LIMS1: variants seen among roughly 807,000 people sequenced by gnomAD.
The protein encoded by LIMS1 is LIM and senescent cell antigen-like-containing domain protein 1.
Under a neutral mutation model 44.1 loss-of-function variants are expected in LIMS1, and 18 were observed. That is an observed-to-expected ratio of 0.41 (90% CI 0.28 to 0.61). The LOEUF is 0.61. LIMS1 is among the 20% of genes least tolerant of loss of function. The pLI, the probability that LIMS1 is intolerant of heterozygous loss-of-function variation, is 0.32. For synonymous variants in LIMS1, 93 were observed against 149.1 expected (o/e 0.62, Z 2.74); for missense variants, 201 against 422.0 (o/e 0.48, Z 4.59).
chr2:108,539,245 G>C (rs564520469), intron 1 of LIMS1, among the ~76,000 whole-genome samples: 11 of 152,074 alleles, frequency 7.2e-5, no homozygotes, highest in African/African-American at 2.7e-4. Flanking sequence ...CACTATGCCC[G>C]GCTAATATTT....
At chr2:108,679,158 T>C (rs1444221359) in intron 8 of LIMS1, among the ~76,000 whole-genome samples, 1 of 151,836 alleles carries the variant, frequency 6.6e-6, no homozygotes. Flanking sequence ...TACTAGGCAT[T>C]ATAATTAACC....
chr2:108,591,035 G>A (rs1377586398), intron 1 of LIMS1, among the ~76,000 whole-genome samples: 1 of 152,192 alleles, frequency 6.6e-6, no homozygotes, highest in Non-Finnish European at 1.5e-5. Flanking sequence ...TGTATGTGGA[G>A]TATTGGTCTT....
intron 2 of LIMS1, among the ~76,000 whole-genome samples, chr2:108,666,794 A>C (rs913898888): frequency 6.6e-6 from 1 of 151,856 alleles, no homozygotes; most frequent in Non-Finnish European, 1.5e-5. Context: ...TTTCTGAAAA[A>C]AAAAATAATA....
chr2:108,613,257 T>G (rs1235830177), intron 1 of LIMS1, among the ~76,000 whole-genome samples: 1 of 152,238 alleles, frequency 6.6e-6, no homozygotes, highest in African/African-American at 2.4e-5. Context: ...CATTTTTATG[T>G]CCTAGCTTTT....
chr2:108,672,743 T>A, intron 4 of LIMS1, 137 bp from the exon 5 acceptor site: 1 of 311,520 alleles, frequency 3.2e-6, no homozygotes, highest in South Asian at 2.5e-5. Flanking sequence ...GTGGCTTGAT[T>A]CTGCCCCGTG....
chr2:108,638,753 C>G lies in LIMS1; in HGVS notation c.33-20852C>G, dbSNP rs1220119934. 3.3e-5 allele frequency among the ~76,000 whole-genome samples: 5 copies of G among 150,432 alleles called. No individual in the cohort carries two copies. The East Asian group carries it at 1.0e-3, about 30-fold the overall frequency. On this transcript the variant is annotated intron_variant, in intron 1 of 9. Coordinates refer to ENST00000544547, the Ensembl canonical transcript of LIMS1. ...AGAGTGAGACTCTGTCTCAAGAAAACTAAGCACAGGCTGGGCACGGTGGCT... is the reference window on the plus strand; with the variant it reads ...AGAGTGAGACTCTGTCTCAAGAAAAGTAAGCACAGGCTGGGCACGGTGGCT...
chr2:108,535,921 T>G (rs114971782), intron 1 of LIMS1, among the ~76,000 whole-genome samples: 3,936 of 152,222 alleles, frequency 0.026, 127 homozygotes, highest in South Asian at 0.14. Context: ...ATTACAGAAG[T>G]GCACGCCTGC....
At chr2:108,562,913 A>C (rs1161403285) in intron 1 of LIMS1, among the ~76,000 whole-genome samples, 3 of 152,190 alleles carry the variant, frequency 2.0e-5, no homozygotes, top group Non-Finnish European at 4.4e-5. Flanking sequence ...TCTTGTTAGG[A>C]GATAATGTAC....
At position 108,675,787 on chromosome 2, in the gene LIMS1, G is replaced by A. The variant is rs186109358; in HGVS notation, c.531-91G>A. On this transcript the variant is annotated intron_variant, in intron 5 of 9. Coordinates refer to ENST00000544547, the Ensembl canonical transcript of LIMS1. ...AATTTGCAGGGATTGTCATAGTAAT[G>A]TCTTTAAAAACCTTCTAAAAAGTGT... The A allele has an allele frequency of 3.8e-4, 569 of 1,494,022 alleles. 6 individuals carry two copies. In the Middle Eastern group the frequency reaches 8.7e-3, roughly 23 times the overall value. 92.5% of individuals were successfully genotyped at this position (1,494,022 alleles called of 1,614,324 possible).
At chr2:108,675,729 G>C (rs1157545764) in intron 5 of LIMS1, 149 bp from the exon 6 acceptor site, 31 of 902,852 alleles carry the variant, frequency 3.4e-5, no homozygotes, top group Admixed American at 4.4e-5. Flanking sequence ...ATTAATTCAG[G>C]TTATTCTGAT....
chr2:108,616,903 G>A (rs1318118886), intron 1 of LIMS1, among the ~76,000 whole-genome samples: 1 of 152,140 alleles, frequency 6.6e-6, no homozygotes, highest in Non-Finnish European at 1.5e-5. Flanking sequence ...ATAGTATGGA[G>A]GGATATTCTT....
intron 1 of LIMS1, among the ~76,000 whole-genome samples, chr2:108,584,338 G>A (rs1686011548): frequency 6.6e-6 from 1 of 152,118 alleles, no homozygotes. Context: ...ACTTATTTTA[G>A]CTGGTGTGCT....
At chr2:108,577,346 C>T (rs1041545141) in intron 1 of LIMS1, among the ~76,000 whole-genome samples, 5 of 152,246 alleles carry the variant, frequency 3.3e-5, no homozygotes, top group African/African-American at 4.8e-5. Context: ...CATTTCGCAG[C>T]GCTTTGCAGA....
intron 1 of LIMS1, among the ~76,000 whole-genome samples, chr2:108,606,919 G>T (rs966114673): frequency 6.6e-6 from 1 of 152,232 alleles, no homozygotes; most frequent in Non-Finnish European, 1.5e-5. Flanking sequence ...AAGGGGAAAA[G>T]TGATTGGAAT....
At chr2:108,621,621 T>C (rs1479795660) in intron 1 of LIMS1, among the ~76,000 whole-genome samples, 1 of 152,244 alleles carries the variant, frequency 6.6e-6, no homozygotes, top group African/African-American at 2.4e-5. Flanking sequence ...ATTGTACTGA[T>C]TGGAACTGTG....
At chr2:108,639,812 A>G (rs974871975) in intron 1 of LIMS1, among the ~76,000 whole-genome samples, 1 of 152,232 alleles carries the variant, frequency 6.6e-6, no homozygotes, top group African/African-American at 2.4e-5. Flanking sequence ...TCCAGTTGGC[A>G]GGAATATGCG....
At chr2:108,588,619 C>T in intron 1 of LIMS1, 1 of 984,570 alleles carries the variant, frequency 1.0e-6, no homozygotes, top group Non-Finnish European at 1.2e-6. Flanking sequence ...CTAAATCAGC[C>T]AAACACAGGG....
chr2:108,623,244 A>AT (rs1159595894), intron 1 of LIMS1, among the ~76,000 whole-genome samples: 10 of 150,236 alleles, frequency 6.7e-5, no homozygotes, highest in South Asian at 2.1e-4. Context: ...GCTTAGGTGT[A>AT]TTTTTTTTTA....
In LIMS1 at chr2:108,606,025, C is replaced by A. The variant is rs183982419; in HGVS notation, c.33-53580C>A. On this transcript the variant is annotated intron_variant, in intron 1 of 9. Transcript: ENST00000544547. ...GCCCTCGGGCCCAAGTACCAGGTTC[C>A]TGCTGCCAGCTCTGCCCCCAGTTTG... Among the ~76,000 whole-genome samples the A allele has an allele frequency of 3.9e-3, 595 of 152,362 alleles. 2 individuals are homozygous for A. The highest frequency in any genetic ancestry group is 0.01 in the Middle Eastern group (3 of 294).
Sources: allele counts gnomAD v4.1 joint callset (sites outside exome capture counted in the v4.1 genomes callset), GRCh38; gene constraint gnomAD v4.1.1; transcripts MANE v1.5; gene names NCBI Gene and HGNC (gene_info 2026-07-23, HGNC 2026-07-21).